CDS1: variants seen among roughly 807,000 people sequenced by gnomAD.
CDS1 encodes the protein CDP-diacylglycerol synthase 1.
Under a neutral mutation model 62.1 loss-of-function variants are expected in CDS1, and 41 were observed. The observed-to-expected ratio is 0.66, with a 90% CI of 0.51 to 0.86. The LOEUF (loss-of-function observed/expected upper bound fraction) is 0.86. Ranked by LOEUF, CDS1 falls within the 40% of genes least tolerant of loss-of-function variation. CDS1 has a pLI of 0.00. For synonymous variants in CDS1, 185 were observed against 192.6 expected (o/e 0.96, Z 0.32); for missense variants, 470 against 550.1 (o/e 0.85, Z 1.46).
At chr4:84,599,406 A>ATATG (rs1491345331) in intron 1 of CDS1, among the ~76,000 whole-genome samples, 44 of 6,038 alleles carry the variant, frequency 7.3e-3, no homozygotes, top group African/African-American at 0.028. Context: ...ACACACACAC[A>ATATG]TATATATATA....
At chr4:84,603,387 A>G (rs1229753343) in intron 1 of CDS1, among the ~76,000 whole-genome samples, 1 of 152,132 alleles carries the variant, frequency 6.6e-6, no homozygotes, top group Non-Finnish European at 1.5e-5. Context: ...CTGTGTGTTC[A>G]CCACTCATAA....
chr4:84,641,844 G>A (rs990991227), intron 10 of CDS1, among the ~76,000 whole-genome samples: 2 of 152,162 alleles, frequency 1.3e-5, no homozygotes, highest in Non-Finnish European at 2.9e-5. Context: ...CTTTGTATCT[G>A]AATCATTTTA....
intron 8 of CDS1, among the ~76,000 whole-genome samples, chr4:84,636,750 C>T (rs906922916): frequency 1.3e-5 from 2 of 152,128 alleles, no homozygotes; most frequent in African/African-American, 4.8e-5. Flanking sequence ...GTCTAGAACT[C>T]CTGACCTCGA....
chr4:84,583,567 T>A, intron 1 of CDS1, 49 bp downstream of exon 1: 1 of 1,200,402 alleles, frequency 8.3e-7, no homozygotes, highest in Non-Finnish European at 1.2e-6. Flanking sequence ...TGGGTCCTGG[T>A]TGGAAGCGGG....
intron 12 of CDS1, 37 bp from the exon 13 acceptor site, chr4:84,648,520 A>G (rs1220640122): frequency 6.2e-7 from 1 of 1,604,460 alleles, no homozygotes. Context: ...CCCTATTAAA[A>G]TAACACGAAC....
rs543701877 is a variant in CDS1 at position 84,603,405 on chromosome 4, T to C, written c.118-838T>C. ...TGTGTTCACCACTCATAACTGAAGG[T>C]TGCCAGGGTAGGATGGAAAGGGTAG... On this transcript the variant is annotated intron_variant, in intron 1 of 12. Coordinates refer to ENST00000295887, the MANE Select transcript of CDS1 (RefSeq NM_001263.4). Among the ~76,000 whole-genome samples, 3 of 152,248 alleles carry C rather than the reference T, an allele frequency of 2.0e-5. No homozygotes were observed. In the South Asian group the frequency reaches 6.2e-4, roughly 32 times the overall value.
intron 5 of CDS1, among the ~76,000 whole-genome samples, chr4:84,629,677 T>TAC (rs1377106827): frequency 6.6e-6 from 1 of 152,164 alleles, no homozygotes; most frequent in Non-Finnish European, 1.5e-5. Flanking sequence ...AAACACTTTA[T>TAC]ACCTCCCCCT....
At chr4:84,632,704 T>A (rs766089033) in intron 6 of CDS1, among the ~76,000 whole-genome samples, 1 of 152,010 alleles carries the variant, frequency 6.6e-6, no homozygotes, top group Non-Finnish European at 1.5e-5. Context: ...TTGGAAAAAA[T>A]TTAATTAATG....
At chr4:84,584,602 T>C (rs1722360390) in intron 1 of CDS1, among the ~76,000 whole-genome samples, 1 of 152,184 alleles carries the variant, frequency 6.6e-6, no homozygotes, top group African/African-American at 2.4e-5. Context: ...TGGGGAGGAT[T>C]CCACCTGAAA....
At chr4:84,614,405 TAA>T (rs773106614) in intron 3 of CDS1, among the ~76,000 whole-genome samples, 37 of 152,242 alleles carry the variant, frequency 2.4e-4, no homozygotes, top group Non-Finnish European at 1.2e-4. Flanking sequence ...GTGCATCATT[TAA>T]AGTTATTCAA....
At chr4:84,587,244 A>C (rs1281279220) in intron 1 of CDS1, among the ~76,000 whole-genome samples, 1 of 152,128 alleles carries the variant, frequency 6.6e-6, no homozygotes, top group Non-Finnish European at 1.5e-5. Flanking sequence ...AATTTGGTAT[A>C]TATACAATTA....
intron 5 of CDS1, among the ~76,000 whole-genome samples, chr4:84,627,786 A>G (rs1023696361): frequency 1.4e-4 from 22 of 152,168 alleles, no homozygotes; most frequent in African/African-American, 4.3e-4. Flanking sequence ...AAACATCCTG[A>G]GTATCTTTTA....
At chr4:84,598,687 G>A (rs193278047) in intron 1 of CDS1, among the ~76,000 whole-genome samples, 9 of 152,152 alleles carry the variant, frequency 5.9e-5, no homozygotes, top group Non-Finnish European at 1.2e-4. Flanking sequence ...TGCCCAGGGT[G>A]GTTTCTAACT....
At chr4:84,586,060 G>T (rs570086838) in intron 1 of CDS1, among the ~76,000 whole-genome samples, 2 of 152,118 alleles carry the variant, frequency 1.3e-5, no homozygotes, top group African/African-American at 4.8e-5. Flanking sequence ...GGCAAAGGAC[G>T]TGTTGGGTTT....
At chr4:84,597,243 A>G (rs1422419613) in intron 1 of CDS1, among the ~76,000 whole-genome samples, 1 of 152,156 alleles carries the variant, frequency 6.6e-6, no homozygotes, top group African/African-American at 2.4e-5. Flanking sequence ...TTCCCTTTGC[A>G]GTTCAAATTA....
chr4:84,588,623 T>C (rs1409066530), intron 1 of CDS1, among the ~76,000 whole-genome samples: 1 of 152,010 alleles, frequency 6.6e-6, no homozygotes, highest in African/African-American at 2.4e-5. Context: ...GGGAGGCAAT[T>C]GCAGGGGTAT....
At chr4:84,642,153 C>T (rs1724404061) in intron 10 of CDS1, among the ~76,000 whole-genome samples, 2 of 152,052 alleles carry the variant, frequency 1.3e-5, no homozygotes, top group Admixed American at 1.3e-4. Context: ...AAGGTGAAAC[C>T]CATGTCTACT....
intron 12 of CDS1, 101 bp from the exon 13 acceptor site, chr4:84,648,456 C>A: frequency 9.2e-7 from 1 of 1,083,278 alleles, no homozygotes; most frequent in Non-Finnish European, 1.3e-6. Flanking sequence ...AAGATTCCTA[C>A]TCTACACTTA....
At chr4:84,631,028 TAATA>T (rs559840087) in intron 5 of CDS1, among the ~76,000 whole-genome samples, 1,584 of 152,350 alleles carry the variant, frequency 0.01, 10 homozygotes, top group Non-Finnish European at 0.017. Flanking sequence ...ATTATCATTG[TAATA>T]AATTTGTAAA....
Sources: gnomAD v4.1 joint callset for allele counts (sites outside exome capture counted in the v4.1 genomes callset) on GRCh38, gnomAD v4.1.1 for gene constraint, MANE v1.5 for transcripts, NCBI Gene and HGNC (gene_info 2026-07-23, HGNC 2026-07-21) for gene names.